Variants in SLF1 observed in about 807,000 individuals in gnomAD.
The protein encoded by SLF1 is SMC5-SMC6 complex localization factor protein 1.
SLF1 carries 105 observed loss-of-function variants against 123.0 expected under a neutral mutation model. The observed-to-expected ratio is 0.85, with a 90% CI of 0.73 to 1.00. The LOEUF is 1.00. Among genes scored for constraint, SLF1 ranks in the 50% least tolerant of loss-of-function variants. The probability of loss-of-function intolerance (pLI) is 0.00; values close to 1 mark genes in which losing one functional copy is unlikely to be tolerated. For synonymous variants in SLF1, 434 were observed against 406.6 expected, an observed-to-expected ratio of 1.07 and a Z score of -0.81; for missense variants, 1,239 against 1,223.0, an observed-to-expected ratio of 1.01 and a Z score of -0.20.
intron 1 of SLF1, among the ~76,000 whole-genome samples, chr5:94,625,226 A>C (rs1561416453): frequency 6.6e-6 from 1 of 151,262 alleles, no homozygotes; most frequent in African/African-American, 2.4e-5. Context: ...ACAATAAAAA[A>C]CTCTTGTATT....
chr5:94,653,332 A>G lies in SLF1; in HGVS notation c.943A>G (p.Lys315Glu). 1 of 1,524,898 alleles carries G rather than the reference A, an allele frequency of 6.6e-7. No homozygotes were observed. Among genetic ancestry groups the G allele is most frequent in the Non-Finnish European group, 8.8e-7 (1 of 1,139,474 alleles). 94.5% of individuals were successfully genotyped at this position (1,524,898 alleles called of 1,614,324 possible). Residue 315 changes from lysine to glutamate, a missense_variant, in exon 8 of 21, where the codon AAG (lysine) becomes GAG (glutamate). Coordinates refer to ENST00000265140, the MANE Select transcript of SLF1 (RefSeq NM_032290.4). The part of the protein sequence containing the change: ...QRSYTLRRKR[K>E]KGKESNCKKG... Reference sequence around the variant, plus strand: ...GAGTTATACTTTGAGGAGAAAACGCAAGAAAGGAAAAGAAAGCAATTGCAA... The same window carrying G: ...GAGTTATACTTTGAGGAGAAAACGCGAGAAAGGAAAAGAAAGCAATTGCAA...
At chr5:94,630,385 A>T in intron 3 of SLF1, 118 bp from the exon 4 acceptor site, 1 of 1,195,508 alleles carries the variant, frequency 8.4e-7, no homozygotes, top group Non-Finnish European at 1.1e-6. Context: ...AGATAATGTT[A>T]GCAGCATAGC....
chr5:94,631,282 C>G (rs1745167945), intron 4 of SLF1, among the ~76,000 whole-genome samples: 1 of 151,818 alleles, frequency 6.6e-6, no homozygotes, highest in Non-Finnish European at 1.5e-5. Flanking sequence ...TAATCAATAA[C>G]ATGCACACAA....
At chr5:94,619,747 T>C (rs1227180736) in intron 1 of SLF1, among the ~76,000 whole-genome samples, 1 of 152,256 alleles carries the variant, frequency 6.6e-6, no homozygotes, top group Non-Finnish European at 1.5e-5. Context: ...TACCTGTGGA[T>C]GTGCAAGATG....
At chr5:94,645,479 C>A (rs1431150882) in intron 5 of SLF1, among the ~76,000 whole-genome samples, 1 of 152,168 alleles carries the variant, frequency 6.6e-6, no homozygotes, top group Non-Finnish European at 1.5e-5. Context: ...AGCACATTAT[C>A]TGATAGACCG....
At chr5:94,625,862 C>T (rs1414845827) in intron 1 of SLF1, among the ~76,000 whole-genome samples, 1 of 152,108 alleles carries the variant, frequency 6.6e-6, no homozygotes, top group Non-Finnish European at 1.5e-5. Flanking sequence ...CTAACAACAG[C>T]ATATTCTTCA....
chr5:94,625,349 A>C (rs962894745), intron 1 of SLF1, among the ~76,000 whole-genome samples: 1 of 151,966 alleles, frequency 6.6e-6, no homozygotes, highest in Admixed American at 6.6e-5. Flanking sequence ...CATTTCTAAA[A>C]AGACCTATCA....
At chr5:94,619,869 C>T (rs963101769) in intron 1 of SLF1, among the ~76,000 whole-genome samples, 1 of 151,236 alleles carries the variant, frequency 6.6e-6, no homozygotes, top group East Asian at 1.9e-4. Context: ...CTTTTCTTAC[C>T]TTTCCTTCCT....
intron 15 of SLF1, among the ~76,000 whole-genome samples, chr5:94,680,402 C>T (rs1016650864): frequency 6.6e-6 from 1 of 152,162 alleles, no homozygotes; most frequent in Admixed American, 6.5e-5. Flanking sequence ...AACATTCAAT[C>T]TTCCTGCAGA....
rs1467063585 is a variant in SLF1, at chr5:94,695,748, G to GA, written c.*442dup. 1 of 151,698 alleles carries GA rather than the reference G, an allele frequency of 6.6e-6. No individual in the cohort carries two copies. The highest frequency in any genetic ancestry group is 1.5e-5 in the Non-Finnish European group (1 of 67,828). The allele number at this position is 151,698 out of a possible 1,614,324, so 9.4% of individuals were successfully genotyped here. On this transcript the variant is annotated 3_prime_UTR_variant, in exon 21 of 21. Transcript: ENST00000265140. ...CTGACTCTTAGGGATGGATTTTGAG[G>GA]AAAAAACAAGACTAAACAAAAACAT...
chr5:94,694,778 G>A, intron 20 of SLF1, 53 bp from the exon 21 acceptor site: 3 of 1,512,334 alleles, frequency 2.0e-6, no homozygotes, highest in Admixed American at 2.3e-5. Context: ...GAGCTGTTAA[G>A]CTGCCAAAAT....
intron 4 of SLF1, among the ~76,000 whole-genome samples, chr5:94,639,249 A>G (rs1307722651): frequency 6.6e-6 from 1 of 152,078 alleles, no homozygotes; most frequent in East Asian, 1.9e-4. Context: ...CATGTTGGCC[A>G]GGCTGGTCTC....
chr5:94,663,818 T>C lies in SLF1; in HGVS notation c.1278T>C (p.Phe426=). The C allele has an allele frequency of 6.4e-7, 1 of 1,550,824 alleles. No individual in the cohort carries two copies. The highest frequency in any genetic ancestry group is 8.7e-7 in the Non-Finnish European group (1 of 1,146,610). Residue 426 remains phenylalanine, a synonymous_variant, in exon 11 of 21, where the codon TTT becomes TTC. Coordinates refer to ENST00000265140, the MANE Select transcript of SLF1 (RefSeq NM_032290.4). ...AAAGCCTCATAGAAGGACATTTTTTTAAAGAAGCAATTGAGGAACTTTCCA... is the reference window on the plus strand; with the variant it reads ...AAAGCCTCATAGAAGGACATTTTTTCAAAGAAGCAATTGAGGAACTTTCCA... ...LIESLIEGHF[F]KEAIEELSTL...
In SLF1 at chr5:94,658,449, G is replaced by GTTT. The variant is rs551587102; in HGVS notation, c.1155+3699_1155+3700insTTT. 7.9e-5 allele frequency among the ~76,000 whole-genome samples: 12 copies of GTTT among 151,830 alleles called. No individual in the cohort carries two copies. In the East Asian group the frequency reaches 2.1e-3, roughly 27 times the overall value. On this transcript the variant is annotated intron_variant, in intron 9 of 20. Coordinates refer to ENST00000265140, the MANE Select transcript of SLF1 (RefSeq NM_032290.4). ...TGGGTTTGTTGTTGTTGTTGTTGTT[G>GTTT]TTGTTGTTTTTTCCTTTCAACACTA... is the stretch of plus-strand genomic sequence containing the variant.
At chr5:94,692,438 A>G (rs1753141248) in intron 20 of SLF1, among the ~76,000 whole-genome samples, 182 bp downstream of exon 20, 1 of 152,126 alleles carries the variant, frequency 6.6e-6, no homozygotes, top group African/African-American at 2.4e-5. Flanking sequence ...TAGAGATAAA[A>G]TCCTTTTCAT....
At chr5:94,627,896 C>T (rs117012251) in intron 1 of SLF1, among the ~76,000 whole-genome samples, 3,051 of 151,350 alleles carry the variant, frequency 0.02, 205 homozygotes, top group East Asian at 0.14. Flanking sequence ...ATCGCGTGAT[C>T]TCGCCTCATG....
At chr5:94,661,055 G>A (rs1354009964) in intron 9 of SLF1, among the ~76,000 whole-genome samples, 3 of 152,146 alleles carry the variant, frequency 2.0e-5, no homozygotes, top group Non-Finnish European at 4.4e-5. Context: ...CCACAGAGCA[G>A]GATGTAGTCT....
chr5:94,621,781 T>C (rs1791812680), intron 1 of SLF1, among the ~76,000 whole-genome samples: 1 of 152,090 alleles, frequency 6.6e-6, no homozygotes, highest in African/African-American at 2.4e-5. Flanking sequence ...AAATTTGTCA[T>C]CAGAGGGACT....
In SLF1 at chr5:94,620,796, C is replaced by T. The variant is rs532411145; in HGVS notation, c.-1+2031C>T. On this transcript the variant is annotated intron_variant, in intron 1 of 20. Transcript: ENST00000265140. The stretch of plus-strand genomic sequence containing the variant: ...TTTTTCACCTTATAAGGGCATGTTA[C>T]TGCTTAAAAGTAAAATAACCCTGGA... Among the ~76,000 whole-genome samples, 3 of 152,180 alleles carry T rather than the reference C, an allele frequency of 2.0e-5. No individual in the cohort carries two copies. In the South Asian group the frequency reaches 6.2e-4, roughly 32 times the overall value.
Sources: gnomAD v4.1 joint callset for allele counts (sites outside exome capture counted in the v4.1 genomes callset) on GRCh38, gnomAD v4.1.1 for gene constraint, MANE v1.5 for transcripts, NCBI Gene and HGNC (gene_info 2026-07-23, HGNC 2026-07-21) for gene names.